Variants in CSMD1 observed in about 807,000 individuals in gnomAD.
The protein encoded by CSMD1 is CUB and sushi domain-containing protein 1.
In CSMD1, 213 loss-of-function variants were observed where a neutral mutation model predicts 417.5. The ratio of observed to expected loss-of-function variants is 0.51; its 90% CI spans 0.46 to 0.57. The LOEUF is 0.57. Among genes scored for constraint, CSMD1 ranks in the 20% least tolerant of loss-of-function variants. The pLI is 0.00. For missense variants in CSMD1, 6,923 were observed against 4,529.7 expected (o/e 1.53, Z -15.17); for synonymous variants, 2,862 against 1,736.8 (o/e 1.65, Z -16.11).
chr8:3,512,439 T>G (rs748182214), intron 10 of CSMD1, among the ~76,000 whole-genome samples: 2 of 152,078 alleles, frequency 1.3e-5, no homozygotes, highest in Non-Finnish European at 2.9e-5. Flanking sequence ...TATGTATTTG[T>G]AATCCTGAGC....
At chr8:3,230,283 A>G (rs1341430654) in intron 26 of CSMD1, 52 bp from the exon 27 acceptor site, 2 of 1,432,454 alleles carry the variant, frequency 1.4e-6, no homozygotes, top group African/African-American at 1.4e-5. Flanking sequence ...TGGTTTCCAC[A>G]TTCTTGTCGG....
At chr8:3,243,660 C>A (rs1343248761) in intron 26 of CSMD1, among the ~76,000 whole-genome samples, 1 of 152,026 alleles carries the variant, frequency 6.6e-6, no homozygotes, top group East Asian at 1.9e-4. Flanking sequence ...TGGATGTGTA[C>A]ATGCAGGTCA....
chr8:4,456,485 C>A (rs1413278688), intron 2 of CSMD1, among the ~76,000 whole-genome samples: 1 of 152,126 alleles, frequency 6.6e-6, no homozygotes. Context: ...AGGGAATAGT[C>A]TTTGGAAAAT....
At chr8:3,322,582 A>G (rs1806222264) in intron 23 of CSMD1, among the ~76,000 whole-genome samples, 1 of 152,136 alleles carries the variant, frequency 6.6e-6, no homozygotes. Flanking sequence ...AGTTGGTTTC[A>G]TTGGCCAGAA....
intron 5 of CSMD1, among the ~76,000 whole-genome samples, chr8:3,993,564 T>C (rs1814923930): frequency 6.6e-6 from 1 of 152,142 alleles, no homozygotes; most frequent in Admixed American, 6.5e-5. Flanking sequence ...AGGAACAAAA[T>C]AAACTAAGGT....
At chr8:3,022,156 AACAGCATCCGGAATGCACCGGCAATCCC>A (rs1809480150) in intron 51 of CSMD1, among the ~76,000 whole-genome samples, 2 of 78,770 alleles carry the variant, frequency 2.5e-5, no homozygotes, top group Non-Finnish European at 5.2e-5. Flanking sequence ...CCTGCAATCC[AACAGCATCCGGAATGCACCGGCAATCCC>A]ACAGCATCCG....
chr8:4,145,807 G>A (rs1461754560), intron 3 of CSMD1, among the ~76,000 whole-genome samples: 1 of 151,130 alleles, frequency 6.6e-6, no homozygotes, highest in African/African-American at 2.5e-5. Context: ...TCTGTATGAG[G>A]AATGCAAGGG....
intron 5 of CSMD1, among the ~76,000 whole-genome samples, chr8:3,892,226 T>G (rs1807023855): frequency 6.6e-6 from 1 of 152,194 alleles, no homozygotes; most frequent in Admixed American, 6.6e-5. Flanking sequence ...ATTAAAGTGC[T>G]GAGGTCAAGC....
At chr8:4,751,205 C>T (rs755033267) in intron 1 of CSMD1, among the ~76,000 whole-genome samples, 3 of 152,090 alleles carry the variant, frequency 2.0e-5, no homozygotes, top group African/African-American at 7.2e-5. Flanking sequence ...GCCAACATGG[C>T]GAAGACCCAT....
intron 4 of CSMD1, among the ~76,000 whole-genome samples, chr8:4,006,209 C>T (rs1253763835): frequency 5.3e-5 from 8 of 152,000 alleles, no homozygotes; most frequent in South Asian, 2.1e-4. Context: ...CTGAGAATTC[C>T]GGGACAGAAA....
chr8:4,133,792 T>A (rs1017860736), intron 3 of CSMD1, among the ~76,000 whole-genome samples: 4 of 152,182 alleles, frequency 2.6e-5, no homozygotes, highest in Non-Finnish European at 5.9e-5. Flanking sequence ...CCCTTATCTA[T>A]AGCCATGCCA....
At chr8:3,485,663 G>C (rs1029559673) in intron 11 of CSMD1, among the ~76,000 whole-genome samples, 4 of 151,844 alleles carry the variant, frequency 2.6e-5, no homozygotes, top group East Asian at 3.9e-4. Flanking sequence ...CTGAGACTGA[G>C]GCATGAGAAT....
intron 22 of CSMD1, 69 bp from the exon 23 acceptor site, chr8:3,343,519 A>G: frequency 7.4e-7 from 1 of 1,356,178 alleles, no homozygotes. Flanking sequence ...ATGGTAATAA[A>G]CAATCCAAAT....
intron 10 of CSMD1, among the ~76,000 whole-genome samples, chr8:3,494,951 C>G (rs746675516): frequency 1.3e-5 from 2 of 152,136 alleles, no homozygotes; most frequent in Non-Finnish European, 2.9e-5. Flanking sequence ...GTCCACCATT[C>G]CAACAGGCTC....
intron 26 of CSMD1, among the ~76,000 whole-genome samples, chr8:3,252,170 C>T (rs1316871909): frequency 6.6e-6 from 1 of 152,160 alleles, no homozygotes; most frequent in Non-Finnish European, 1.5e-5. Context: ...CCAGTTTTTG[C>T]CCATTCAGTA....
At chr8:3,148,590 G>A (rs1441553522) in intron 40 of CSMD1, among the ~76,000 whole-genome samples, 18 of 152,154 alleles carry the variant, frequency 1.2e-4, no homozygotes, top group Admixed American at 7.2e-4. Flanking sequence ...GGGAGAAGAC[G>A]CAGAAATTAA....
intron 5 of CSMD1, among the ~76,000 whole-genome samples, chr8:3,885,070 A>T (rs952608806): frequency 2.0e-5 from 3 of 152,056 alleles, no homozygotes; most frequent in Non-Finnish European, 4.4e-5. Flanking sequence ...TACCATGCTT[A>T]TAAAGCAAGT....
At chr8:3,853,414 T>C (rs1237126611) in intron 5 of CSMD1, among the ~76,000 whole-genome samples, 1 of 152,180 alleles carries the variant, frequency 6.6e-6, no homozygotes, top group Non-Finnish European at 1.5e-5. Context: ...TAATTTACTT[T>C]AAAAATGTAT....
At chr8:4,326,692 A>G (rs1281688810) in intron 3 of CSMD1, among the ~76,000 whole-genome samples, 4 of 152,204 alleles carry the variant, frequency 2.6e-5, no homozygotes, top group African/African-American at 7.2e-5. Context: ...GGACTCAAGA[A>G]CATGAAACAT....
Sources: allele counts gnomAD v4.1 joint callset (sites outside exome capture counted in the v4.1 genomes callset), GRCh38; gene constraint gnomAD v4.1.1; transcripts MANE v1.5; gene names NCBI Gene and HGNC (gene_info 2026-07-23, HGNC 2026-07-21).